Variants in GMDS observed in about 807,000 individuals in gnomAD.
GMDS encodes the protein GDP-mannose 4,6-dehydratase.
Under a neutral mutation model 49.9 loss-of-function variants are expected in GMDS, and 20 were observed. That is an observed-to-expected ratio of 0.40 (90% CI 0.28 to 0.58). GMDS has a LOEUF of 0.58. GMDS is among the 20% of genes least tolerant of loss of function. GMDS has a pLI of 0.42. For missense variants in GMDS, 362 were observed against 481.4 expected, an observed-to-expected ratio of 0.75 and a Z score of 2.32; for synonymous variants, 177 against 178.6, an observed-to-expected ratio of 0.99 and a Z score of 0.07.
In GMDS at chr6:1,636,503, TGAA is replaced by T. The variant is rs1561689491; in HGVS notation, c.988-11966_988-11964del. On this transcript the variant is annotated intron_variant, in intron 9 of 10. Transcript: ENST00000380815. Reference sequence around the variant, plus strand: ...CTGTTATACAAGGAAGCGTGCAGCATGAAGATCACTCACAAGATGATCAAGAGA... The same window carrying T: ...CTGTTATACAAGGAAGCGTGCAGCATGATCACTCACAAGATGATCAAGAGA... 2.6e-5 allele frequency among the ~76,000 whole-genome samples: 4 copies of T among 152,220 alleles called. No individual in the cohort carries two copies. In the South Asian group the frequency reaches 8.3e-4, roughly 32 times the overall value.
At chr6:1,823,562 T>C (rs527806262) in intron 7 of GMDS, among the ~76,000 whole-genome samples, 2 of 152,102 alleles carry the variant, frequency 1.3e-5, no homozygotes, top group Non-Finnish European at 2.9e-5. Context: ...GTCCTGAGGA[T>C]TCCTACCCCC....
At chr6:1,776,526 GAA>G (rs534951952) in intron 7 of GMDS, among the ~76,000 whole-genome samples, 2,181 of 136,778 alleles carry the variant, frequency 0.016, 58 homozygotes, top group African/African-American at 0.054. Flanking sequence ...TGTCTCTACA[GAA>G]AAAAAAAAAA....
chr6:1,877,652 A>T (rs1312960132), intron 7 of GMDS, among the ~76,000 whole-genome samples: 6 of 150,550 alleles, frequency 4.0e-5, no homozygotes, highest in African/African-American at 1.5e-4. Flanking sequence ...ATTAAAAAAA[A>T]AAAAAAAAAA....
At chr6:2,208,468 G>A (rs1409175054) in intron 1 of GMDS, among the ~76,000 whole-genome samples, 3 of 152,072 alleles carry the variant, frequency 2.0e-5, no homozygotes, top group African/African-American at 2.4e-5. Context: ...ATTTCTGATC[G>A]CCAGTCCATA....
At chr6:2,179,090 C>A (rs1040089259) in intron 1 of GMDS, among the ~76,000 whole-genome samples, 2 of 152,160 alleles carry the variant, frequency 1.3e-5, no homozygotes, top group African/African-American at 4.8e-5. Flanking sequence ...GAAATAAATG[C>A]AAACCACCAT....
intron 9 of GMDS, among the ~76,000 whole-genome samples, chr6:1,712,632 C>T (rs1766013916): frequency 6.6e-6 from 1 of 152,050 alleles, no homozygotes; most frequent in Admixed American, 6.6e-5. Flanking sequence ...AAACAAATAC[C>T]CACTTTACTT....
At chr6:1,660,654 T>A (rs1334914851) in intron 9 of GMDS, among the ~76,000 whole-genome samples, 1 of 150,076 alleles carries the variant, frequency 6.7e-6, no homozygotes, top group African/African-American at 2.5e-5. Flanking sequence ...GACGCGGGGA[T>A]GCAGATCAAC....
intron 4 of GMDS, among the ~76,000 whole-genome samples, chr6:2,071,685 A>G (rs544799076): frequency 2.0e-5 from 2 of 100,398 alleles, no homozygotes; most frequent in Non-Finnish European, 3.7e-5. Context: ...CTTCACATTT[A>G]AAAAAAAAAA....
intron 2 of GMDS, among the ~76,000 whole-genome samples, chr6:2,119,811 T>TA (rs1315204428): frequency 1.3e-5 from 2 of 152,204 alleles, no homozygotes; most frequent in South Asian, 2.1e-4. Context: ...ACTGAGGTCT[T>TA]ACAATAAATG....
intron 1 of GMDS, among the ~76,000 whole-genome samples, chr6:2,155,395 G>A (rs1343528636): frequency 2.6e-5 from 4 of 152,060 alleles, no homozygotes; most frequent in African/African-American, 2.4e-5. Context: ...GTGGATTCAC[G>A]GCATGACATA....
intron 1 of GMDS, among the ~76,000 whole-genome samples, chr6:2,237,302 T>C (rs1007442757): frequency 2.0e-5 from 3 of 152,214 alleles, no homozygotes; most frequent in Non-Finnish European, 4.4e-5. Context: ...TTTGGCACAT[T>C]GGTGCCCCAC....
At chr6:1,867,935 C>T (rs1758519180) in intron 7 of GMDS, among the ~76,000 whole-genome samples, 2 of 151,802 alleles carry the variant, frequency 1.3e-5, no homozygotes, top group South Asian at 2.1e-4. Context: ...CTTCCCCCAA[C>T]AGATGATCCT....
chr6:1,933,219 CT>C (rs1225897871), intron 6 of GMDS, among the ~76,000 whole-genome samples: 1 of 152,084 alleles, frequency 6.6e-6, no homozygotes, highest in Non-Finnish European at 1.5e-5. Context: ...TACATTGTTC[CT>C]TTTTTATGGC....
At chr6:1,750,610 T>C (rs1767679646) in intron 7 of GMDS, among the ~76,000 whole-genome samples, 1 of 152,044 alleles carries the variant, frequency 6.6e-6, no homozygotes. Flanking sequence ...TTCCTTCGGG[T>C]GCCTATACCA....
At chr6:2,072,014 G>A (rs1393616301) in intron 4 of GMDS, among the ~76,000 whole-genome samples, 1 of 152,166 alleles carries the variant, frequency 6.6e-6, no homozygotes, top group Admixed American at 6.6e-5. Flanking sequence ...TTCTTTATTA[G>A]CGAAGAAACC....
chr6:2,087,642 G>A (rs1196091027), intron 4 of GMDS, among the ~76,000 whole-genome samples: 2 of 152,174 alleles, frequency 1.3e-5, no homozygotes, highest in African/African-American at 2.4e-5. Flanking sequence ...GACTGCTGTG[G>A]TAAGTAAACT....
intron 4 of GMDS, among the ~76,000 whole-genome samples, chr6:2,015,212 T>A (rs1304723801): frequency 2.0e-5 from 3 of 152,142 alleles, no homozygotes; most frequent in Non-Finnish European, 4.4e-5. Flanking sequence ...TAAAAAGACT[T>A]AATTGATATT....
intron 9 of GMDS, among the ~76,000 whole-genome samples, chr6:1,658,481 C>T (rs1763961887): frequency 6.6e-6 from 1 of 152,220 alleles, no homozygotes; most frequent in African/African-American, 2.4e-5. Flanking sequence ...CAGGCATCCT[C>T]CTGGACAGGC....
rs1296034346 is a variant in GMDS at position 2,117,642 on chromosome 6, A to G, written c.148-86T>C. On this transcript the variant is annotated intron_variant, in intron 2 of 10. Transcript: ENST00000380815. ...GCTAATGTTTAGCTTTATGAAAAAA[A>G]TGATTTGTAAGCATTATTTTAAATT... 4 of 767,672 alleles carry G rather than the reference A, an allele frequency of 5.2e-6. No homozygotes were observed. In the East Asian group the frequency reaches 9.9e-5, roughly 19 times the overall value. The allele number at this position is 767,672 out of a possible 1,614,324, so 47.6% of individuals were successfully genotyped here.
Sources: allele counts gnomAD v4.1 joint callset (sites outside exome capture counted in the v4.1 genomes callset), GRCh38; gene constraint gnomAD v4.1.1; transcripts MANE v1.5; gene names NCBI Gene and HGNC (gene_info 2026-07-23, HGNC 2026-07-21).